NEMF: variants seen among roughly 807,000 people sequenced by gnomAD.
The protein encoded by NEMF is nuclear export mediator factor.
NEMF carries 89 observed loss-of-function variants against 162.2 expected under a neutral mutation model. The observed-to-expected ratio is 0.55, with a 90% confidence interval of 0.46 to 0.65. The LOEUF is 0.65. Ranked by LOEUF, NEMF falls within the 30% of genes least tolerant of loss-of-function variation. NEMF has a pLI of 0.00. For missense variants in NEMF, 1,133 were observed against 1,261.9 expected, an observed-to-expected ratio of 0.90 and a Z score of 1.55; for synonymous variants, 421 against 404.5, an observed-to-expected ratio of 1.04 and a Z score of -0.49.
At chr14:49,786,624 A>AG (rs1223822561) in intron 29 of NEMF, 94 bp downstream of exon 29, 13 of 1,232,284 alleles carry the variant, frequency 1.1e-5, no homozygotes, top group African/African-American at 1.5e-5. Context: ...GTCTTGTCTT[A>AG]GGTTTCTAAG....
At chr14:49,786,893 T>C (rs1217992888) in intron 28 of NEMF, 143 bp from the exon 29 acceptor site, 2 of 676,692 alleles carry the variant, frequency 3.0e-6, no homozygotes, top group Non-Finnish European at 5.0e-6. Context: ...AAGGTTATAT[T>C]CTTCCTAAGA....
intron 8 of NEMF, 49 bp from the exon 9 acceptor site, chr14:49,832,326 T>C (rs779821824): frequency 1.6e-6 from 2 of 1,239,750 alleles, no homozygotes; most frequent in South Asian, 1.3e-5. Context: ...TTAACAAAGA[T>C]TTACTTCTTT....
At chr14:49,834,539 G>A in intron 6 of NEMF, 90 bp from the exon 7 acceptor site, 1 of 875,470 alleles carries the variant, frequency 1.1e-6, no homozygotes, top group South Asian at 1.6e-5. Context: ...CCGTCGCCCA[G>A]GCCGGAGTGC....
intron 13 of NEMF, 21 bp from the exon 14 acceptor site, chr14:49,828,828 C>A: frequency 6.7e-7 from 1 of 1,501,760 alleles, no homozygotes; most frequent in Non-Finnish European, 8.9e-7. Context: ...TATTCAATAG[C>A]ATTTCACTAA....
At position 49,785,046 on chromosome 14, in the gene NEMF, C is replaced by T. The variant is rs757279442; in HGVS notation, c.3074-42G>A. The T allele has an allele frequency of 3.1e-6, 5 of 1,604,254 alleles. No individual in the cohort carries two copies. In the South Asian group the frequency reaches 4.4e-5, roughly 14 times the overall value. ...GAGTAAGAATAATCTACTGTTAAGTCACTGAACTGTTTAAAATCATAATTC... is the reference window on the plus strand; with the variant it reads ...GAGTAAGAATAATCTACTGTTAAGTTACTGAACTGTTTAAAATCATAATTC... On this transcript the variant is annotated intron_variant, in intron 31 of 32. Transcript: ENST00000298310.
At position 49,838,196 on chromosome 14, in the gene NEMF, T is replaced by A; in HGVS notation, c.517A>T (p.Ile173Leu). The A allele has an allele frequency of 6.2e-7, 1 of 1,613,958 alleles. No individual in the cohort carries two copies. The highest frequency in any genetic ancestry group is 8.5e-7 in the Non-Finnish European group (1 of 1,179,876). The part of the protein sequence containing the change: ...PLLTLERLTE[I>L]VASAPKGELL... ...TCACCCTTAGGTGCGCTGGCTACTA[T>A]TTCAGTCAACCTGTGAAACAAAACG... The change falls in exon 6 of 33, where the codon ATA becomes TTA. Residue 173 changes from isoleucine (I) to leucine (L), a missense_variant. Coordinates refer to ENST00000298310, the MANE Select transcript of NEMF (RefSeq NM_004713.6).
intron 16 of NEMF, among the ~76,000 whole-genome samples, chr14:49,824,388 C>T (rs1363160317): frequency 1.3e-5 from 2 of 151,488 alleles, no homozygotes; most frequent in Non-Finnish European, 2.9e-5. Context: ...ACTAAAAATA[C>T]AAAAATTAGC....
In NEMF at chr14:49,784,524, TGTTTA is replaced by T; in HGVS notation, c.*107_*111del. On this transcript the variant is annotated 3_prime_UTR_variant, in exon 33 of 33. Transcript: ENST00000298310. ...CCTTTTGGTGAATATAGCAAGGCAA[TGTTTA>T]GTTCATTTTTATAATGCGGAAATCC... 1 of 716,016 alleles carries T rather than the reference TGTTTA, an allele frequency of 1.4e-6. No homozygotes were observed. Among genetic ancestry groups the T allele is most frequent in the South Asian group, 1.9e-5 (1 of 53,134 alleles). 44.4% of individuals were successfully genotyped at this position (716,016 alleles called of 1,614,324 possible).
Position 49,829,271 on chromosome 14 carries a change from A to G in NEMF, c.1024-9T>C, listed in dbSNP as rs373125970. On this transcript the variant is annotated splice_polypyrimidine_tract_variant and intron_variant, in intron 12 of 32. Transcript: ENST00000298310. ...TTCAGTTTGTCTATTTCCTTAAAAA[A>G]CAAACCACACACATTTACTACATTG... The G allele has an allele frequency of 1.2e-6, 2 of 1,613,836 alleles. No individual in the cohort carries two copies. Among genetic ancestry groups the G allele is most frequent in the African/African-American group, 2.7e-5 (2 of 74,928 alleles).
chr14:49,802,062 A>G (rs138503213), intron 22 of NEMF, among the ~76,000 whole-genome samples: 4 of 151,682 alleles, frequency 2.6e-5, no homozygotes, highest in African/African-American at 7.3e-5. Context: ...GGTTCAAGCA[A>G]TCCTCCTACC....
chr14:49,815,261 C>T (rs560465570), intron 16 of NEMF, among the ~76,000 whole-genome samples: 2 of 152,056 alleles, frequency 1.3e-5, no homozygotes, highest in Admixed American at 6.6e-5. Context: ...AATAAATGAA[C>T]GTAATTAATC....
intron 19 of NEMF, among the ~76,000 whole-genome samples, chr14:49,804,848 T>C (rs944532335): frequency 6.6e-6 from 1 of 151,972 alleles, no homozygotes; most frequent in African/African-American, 2.4e-5. Flanking sequence ...CTGGCCAACA[T>C]GGCAAAACCC....
At chr14:49,785,920 G>A in intron 29 of NEMF, 1 of 150,444 alleles carries the variant, frequency 6.6e-6, no homozygotes. Flanking sequence ...AAAAACTATT[G>A]GATATTACCT....
intron 26 of NEMF, 80 bp from the exon 27 acceptor site, chr14:49,789,653 C>T: frequency 1.3e-6 from 2 of 1,534,096 alleles, no homozygotes; most frequent in Non-Finnish European, 1.7e-6. Context: ...AATGGTGTTA[C>T]TTTATATTCT....
intron 18 of NEMF, among the ~76,000 whole-genome samples, chr14:49,806,544 G>A (rs1423267753): frequency 1.3e-5 from 2 of 151,412 alleles, no homozygotes; most frequent in African/African-American, 4.9e-5. Flanking sequence ...ACAGGCATGA[G>A]CCACCGAACC....
intron 16 of NEMF, among the ~76,000 whole-genome samples, chr14:49,824,854 C>T (rs2139948737): frequency 6.6e-6 from 1 of 152,098 alleles, no homozygotes; most frequent in South Asian, 2.1e-4. Flanking sequence ...GTATGAGATC[C>T]AGAAAAGAGT....
chr14:49,794,732 T>TC (rs1453696731), intron 26 of NEMF, among the ~76,000 whole-genome samples: 7 of 151,208 alleles, frequency 4.6e-5, no homozygotes, highest in Admixed American at 4.0e-4. Flanking sequence ...TTTTTTTTTT[T>TC]TGAGACAGGC....
Position 49,851,569 on chromosome 14 carries a change from G to C in NEMF, c.225C>G (p.Ala75=), listed in dbSNP as rs75778865. The change falls in exon 3 of 33, where the codon GCC becomes GCG. Residue 75 remains alanine (A), a synonymous_variant. Transcript: ENST00000298310. Reference sequence around the variant, plus strand: ...TCAAGCGTAACAAGTTTACCTTCATGGCAAAACTAGACGGCATCATATTCT... The same window carrying C: ...TCAAGCGTAACAAGTTTACCTTCATCGCAAAACTAGACGGCATCATATTCT... ...WPKNMMPSSF[A]MKCRKHLKSR... 14,249 of 1,608,920 alleles carry C rather than the reference G, an allele frequency of 8.9e-3. 87 individuals carry two copies. The highest frequency in any genetic ancestry group is 0.01 in the Non-Finnish European group (12,346 of 1,175,816).
chr14:49,795,552 C>G (rs1890654442), intron 26 of NEMF, among the ~76,000 whole-genome samples: 1 of 152,180 alleles, frequency 6.6e-6, no homozygotes, highest in Non-Finnish European at 1.5e-5. Context: ...GCCATAATCT[C>G]CTATTACTCT....
Sources: allele counts gnomAD v4.1 joint callset (sites outside exome capture counted in the v4.1 genomes callset), GRCh38; gene constraint gnomAD v4.1.1; transcripts MANE v1.5; gene names NCBI Gene and HGNC (gene_info 2026-07-23, HGNC 2026-07-21).